The following BTBD9 variants were observed in gnomAD, a reference collection of about 807,000 sequenced individuals.
BTBD9 encodes the protein BTB domain containing 9, also known as BTB/POZ domain-containing protein 9.
In BTBD9, 49 loss-of-function variants were observed where a neutral mutation model predicts 64.3. The ratio of observed to expected loss-of-function variants is 0.76; its 90% confidence interval spans 0.61 to 0.97. BTBD9 has a LOEUF of 0.97. Among genes scored for constraint, BTBD9 ranks in the 50% least tolerant of loss-of-function variants. The pLI is 0.00. For missense variants in BTBD9, 598 were observed against 762.1 expected (o/e 0.78, Z 2.53); for synonymous variants, 260 against 274.7 (o/e 0.95, Z 0.53).
At chr6:38,516,836 A>C (rs1335417417) in intron 6 of BTBD9, among the ~76,000 whole-genome samples, 1 of 152,258 alleles carries the variant, frequency 6.6e-6, no homozygotes, top group African/African-American at 2.4e-5. Flanking sequence ...GAATGCAAAG[A>C]CCAGACCAAT....
chr6:38,291,853 G>C (rs993160767), intron 7 of BTBD9, among the ~76,000 whole-genome samples: 6 of 152,114 alleles, frequency 3.9e-5, no homozygotes, highest in Non-Finnish European at 8.8e-5. Context: ...TGACTTGATT[G>C]TGGTGGATAA....
intron 1 of BTBD9, among the ~76,000 whole-genome samples, chr6:38,636,546 T>A (rs938707832): frequency 6.6e-6 from 1 of 152,320 alleles, no homozygotes; most frequent in Admixed American, 6.5e-5. Context: ...CTTCTCACTC[T>A]CCCTTACCTC....
intron 6 of BTBD9, among the ~76,000 whole-genome samples, chr6:38,355,426 TC>T (rs1377536248): frequency 6.6e-6 from 1 of 152,154 alleles, no homozygotes; most frequent in Admixed American, 6.5e-5. Flanking sequence ...GCTGTTTTTT[TC>T]CCCTCCCCAA....
intron 7 of BTBD9, among the ~76,000 whole-genome samples, chr6:38,306,735 A>G (rs1256733103): frequency 6.6e-6 from 1 of 152,230 alleles, no homozygotes; most frequent in Non-Finnish European, 1.5e-5. Flanking sequence ...ATATTTAAAG[A>G]TAAGACTGAC....
chr6:38,406,241 G>C (rs1174659226), intron 6 of BTBD9, among the ~76,000 whole-genome samples: 1 of 152,152 alleles, frequency 6.6e-6, no homozygotes, highest in Non-Finnish European at 1.5e-5. Context: ...TCCCAGAAAA[G>C]AGTAACCATA....
intron 9 of BTBD9, among the ~76,000 whole-genome samples, chr6:38,232,620 AT>A (rs1193374952): frequency 1.3e-5 from 2 of 149,836 alleles, no homozygotes; most frequent in Non-Finnish European, 3.0e-5. Flanking sequence ...GTTCACTTTT[AT>A]TTATTTTATT....
At chr6:38,272,695 T>C (rs1006068754) in intron 8 of BTBD9, among the ~76,000 whole-genome samples, 3 of 152,192 alleles carry the variant, frequency 2.0e-5, no homozygotes, top group Non-Finnish European at 4.4e-5. Flanking sequence ...CAACAAGATA[T>C]TATTTATCTG....
chr6:38,339,509 A>G (rs890346130), intron 7 of BTBD9, among the ~76,000 whole-genome samples: 1 of 152,166 alleles, frequency 6.6e-6, no homozygotes, highest in Non-Finnish European at 1.5e-5. Flanking sequence ...GAAGCACAGT[A>G]AGGTAAAAAA....
chr6:38,454,188 T>C (rs955421706), intron 6 of BTBD9, among the ~76,000 whole-genome samples: 1 of 152,184 alleles, frequency 6.6e-6, no homozygotes, highest in Non-Finnish European at 1.5e-5. Context: ...CACTGTCTGA[T>C]AAATGTTAAC....
intron 1 of BTBD9, among the ~76,000 whole-genome samples, chr6:38,612,636 T>C (rs551139764): frequency 4.7e-4 from 71 of 152,256 alleles, no homozygotes; most frequent in Admixed American, 2.9e-3. Context: ...ATTATGGAAA[T>C]CCATGATGAG....
intron 4 of BTBD9, chr6:38,588,633 A>G (rs769089312): frequency 7.4e-5 from 18 of 243,358 alleles, no homozygotes; most frequent in Non-Finnish European, 1.4e-4. Context: ...TTAAAAGCAG[A>G]GCATTTGTTA....
At chr6:38,364,842 G>A (rs914023632) in intron 6 of BTBD9, among the ~76,000 whole-genome samples, 2 of 152,130 alleles carry the variant, frequency 1.3e-5, no homozygotes, top group Non-Finnish European at 2.9e-5. Flanking sequence ...AACAAGACAA[G>A]GCCCTGTAGA....
chr6:38,564,807 G>A (rs995481814), intron 6 of BTBD9, among the ~76,000 whole-genome samples: 5 of 152,072 alleles, frequency 3.3e-5, no homozygotes, highest in Non-Finnish European at 5.9e-5. Context: ...CAGGAGAATC[G>A]CATGAACCCG....
chr6:38,374,799 GCA>G (rs1765619572), intron 6 of BTBD9, among the ~76,000 whole-genome samples: 1 of 152,148 alleles, frequency 6.6e-6, no homozygotes, highest in Admixed American at 6.5e-5. Flanking sequence ...TACCCCCACT[GCA>G]TCTTAGAGAA....
intron 6 of BTBD9, among the ~76,000 whole-genome samples, chr6:38,356,722 A>G (rs1165123199): frequency 2.0e-5 from 3 of 152,216 alleles, no homozygotes; most frequent in Admixed American, 1.3e-4. Flanking sequence ...AGTGAGGCTC[A>G]TAGACTTTTA....
intron 8 of BTBD9, among the ~76,000 whole-genome samples, chr6:38,266,578 A>AGAAAGAAAGGAAAGAAAGGAAAGAAAG (rs1198955278): frequency 1.4e-5 from 2 of 145,572 alleles, no homozygotes; most frequent in African/African-American, 2.6e-5. Context: ...AGTCTCAACA[A>AGAAAGAAAGGAAAGAAAGGAAAGAAAG]GAAAGAAAGG....
At chr6:38,573,496 G>A (rs1775877190) in intron 6 of BTBD9, among the ~76,000 whole-genome samples, 5 of 151,944 alleles carry the variant, frequency 3.3e-5, no homozygotes, top group African/African-American at 4.8e-5. Flanking sequence ...AGTAAACAAC[G>A]CTCCTAATCC....
intron 9 of BTBD9, among the ~76,000 whole-genome samples, chr6:38,195,817 T>C (rs1278282432): frequency 6.6e-6 from 1 of 152,246 alleles, no homozygotes; most frequent in East Asian, 1.9e-4. Flanking sequence ...TATACACGTA[T>C]GTATTAAAAC....
At chr6:38,364,552 C>T (rs534331937) in intron 6 of BTBD9, among the ~76,000 whole-genome samples, 4 of 152,274 alleles carry the variant, frequency 2.6e-5, no homozygotes, top group Admixed American at 6.5e-5. Context: ...AGAATTAACA[C>T]TTAAGCAATT....
Sources: gnomAD v4.1 joint callset for allele counts (sites outside exome capture counted in the v4.1 genomes callset) on GRCh38, gnomAD v4.1.1 for gene constraint, MANE v1.5 for transcripts, NCBI Gene and HGNC (gene_info 2026-07-23, HGNC 2026-07-21) for gene names.